The following CNTN3 variants were observed in gnomAD, a reference collection of about 807,000 sequenced individuals.
CNTN3 encodes the protein contactin-3.
A neutral mutation model predicts 119.1 loss-of-function variants in CNTN3; 60 were observed. The ratio of observed to expected loss-of-function variants is 0.50; its 90% confidence interval spans 0.41 to 0.62. The LOEUF (loss-of-function observed/expected upper bound fraction) is 0.62. CNTN3 is among the 20% of genes least tolerant of loss of function. The pLI is 0.00. For synonymous variants in CNTN3, 450 were observed against 438.7 expected (o/e 1.03, Z -0.32); for missense variants, 1,101 against 1,242.4 (o/e 0.89, Z 1.71).
At chr3:74,574,982 G>C (rs892796957) in intron 1 of CNTN3, among the ~76,000 whole-genome samples, 1 of 150,892 alleles carries the variant, frequency 6.6e-6, no homozygotes, top group African/African-American at 2.4e-5. Context: ...GGAGTACAGT[G>C]GTACAATTAT....
chr3:74,558,499 T>C (rs1304871425), intron 1 of CNTN3, among the ~76,000 whole-genome samples: 2 of 152,162 alleles, frequency 1.3e-5, no homozygotes, highest in Non-Finnish European at 2.9e-5. Flanking sequence ...CTGAATACTT[T>C]TAAAGACAGA....
chr3:74,454,777 GT>G, intron 4 of CNTN3, among the ~76,000 whole-genome samples: 1 of 152,118 alleles, frequency 6.6e-6, no homozygotes, highest in African/African-American at 2.4e-5. Context: ...ATGAAGCTTA[GT>G]TTGGCTGGAT....
At chr3:74,389,336 C>T (rs988264497) in intron 5 of CNTN3, among the ~76,000 whole-genome samples, 9 of 151,826 alleles carry the variant, frequency 5.9e-5, no homozygotes, top group African/African-American at 1.5e-4. Flanking sequence ...CCTTTTTTCA[C>T]GGGAAGATTA....
At chr3:74,445,454 G>T (rs909243771) in intron 4 of CNTN3, among the ~76,000 whole-genome samples, 3 of 151,934 alleles carry the variant, frequency 2.0e-5, no homozygotes, top group African/African-American at 4.8e-5. Context: ...AGTAGAGACG[G>T]GGTTTCACCA....
At chr3:74,561,566 A>C (rs1423463803) in intron 1 of CNTN3, among the ~76,000 whole-genome samples, 1 of 152,072 alleles carries the variant, frequency 6.6e-6, no homozygotes, top group East Asian at 1.9e-4. Context: ...GTTTCTTCTC[A>C]TGTTTCTGGT....
At chr3:74,514,094 G>T (rs191773069) in intron 2 of CNTN3, among the ~76,000 whole-genome samples, 1 of 151,808 alleles carries the variant, frequency 6.6e-6, no homozygotes. Flanking sequence ...AAAACTAATA[G>T]AACATTGAGG....
intron 1 of CNTN3, among the ~76,000 whole-genome samples, chr3:74,571,260 C>T (rs1197297435): frequency 2.0e-5 from 3 of 152,150 alleles, no homozygotes; most frequent in Non-Finnish European, 2.9e-5. Flanking sequence ...CTAGCAGCAG[C>T]GGCATCCACA....
intron 1 of CNTN3, among the ~76,000 whole-genome samples, chr3:74,530,064 T>A (rs1285714922): frequency 6.6e-6 from 1 of 152,026 alleles, no homozygotes; most frequent in Non-Finnish European, 1.5e-5. Context: ...GGGGAAAAAC[T>A]CAAATTCACT....
chr3:74,499,798 G>A lies in CNTN3; in HGVS notation c.56-13C>T. 6.3e-7 allele frequency: 1 copy of A among 1,577,778 alleles called. No individual in the cohort carries two copies. Among genetic ancestry groups the A allele is most frequent in the Non-Finnish European group, 8.6e-7 (1 of 1,168,580 alleles). ...AAGAGAAGCTCACCTATATGGGTGG[G>A]AGACATCCAAAAAATAATAATCAGT... On this transcript the variant is annotated splice_polypyrimidine_tract_variant and intron_variant, in intron 2 of 22. Coordinates refer to ENST00000263665, the MANE Select transcript of CNTN3 (RefSeq NM_020872.3).
intron 1 of CNTN3, among the ~76,000 whole-genome samples, chr3:74,570,925 G>T (rs17012642): frequency 0.2 from 30,697 of 152,106 alleles, 3,518 homozygotes; most frequent in East Asian, 0.4. Flanking sequence ...AACTCCTAAG[G>T]GGATTTAATC....
At position 74,264,203 on chromosome 3, in the gene CNTN3, T is replaced by A. The variant is rs952015448; in HGVS notation, c.*198A>T. ...TATGTAATATGTAAATTCCTTTGGT[T>A]TATCAAGTTAATATTAAGGCATTTC... On this transcript the variant is annotated 3_prime_UTR_variant, in exon 23 of 23. Transcript: ENST00000263665. The A allele has an allele frequency of 7.6e-6, 3 of 395,436 alleles. No individual in the cohort carries two copies. The highest frequency in any genetic ancestry group is 1.3e-5 in the Non-Finnish European group (3 of 222,256). 24.5% of individuals were successfully genotyped at this position (395,436 alleles called of 1,614,324 possible). A position where few individuals can be genotyped will look rare whatever the true frequency, so the allele number is the denominator to read the frequency against.
intron 1 of CNTN3, among the ~76,000 whole-genome samples, chr3:74,559,008 G>A (rs370199166): frequency 7.5e-5 from 3 of 40,044 alleles, no homozygotes; most frequent in African/African-American, 9.7e-5. Context: ...AATAATAATA[G>A]TAACTGCAGT....
chr3:74,516,659 T>C (rs1191180710), intron 2 of CNTN3, among the ~76,000 whole-genome samples: 2 of 150,568 alleles, frequency 1.3e-5, no homozygotes, highest in South Asian at 2.1e-4. Flanking sequence ...AACACACCTA[T>C]TGAGATGGGG....
intron 5 of CNTN3, among the ~76,000 whole-genome samples, chr3:74,420,080 T>C (rs1264069351): frequency 6.6e-6 from 1 of 152,164 alleles, no homozygotes; most frequent in Non-Finnish European, 1.5e-5. Context: ...TCTTGCTTCA[T>C]AGAGGTGCTG....
chr3:74,576,560 C>T (rs982333202), intron 1 of CNTN3, among the ~76,000 whole-genome samples: 1 of 152,006 alleles, frequency 6.6e-6, no homozygotes, highest in Non-Finnish European at 1.5e-5. Flanking sequence ...TATATGTAAA[C>T]TAGAAAAGAG....
Position 74,614,520 on chromosome 3 carries a change from A to AGCC in CNTN3, c.-213_-211dup, listed in dbSNP as rs1048847960. Among the ~76,000 whole-genome samples the AGCC allele has an allele frequency of 3.0e-4, 43 of 143,458 alleles. 1 individual carries two copies. The highest frequency in any genetic ancestry group is 2.9e-3 in the East Asian group (14 of 4,862). The allele number at this position is 143,458 out of a possible 152,430, so 94.1% of individuals were successfully genotyped here. A position where few individuals can be genotyped will look rare whatever the true frequency, so the allele number is the denominator to read the frequency against. On this transcript the variant is annotated 5_prime_UTR_variant, in exon 1 of 23. Coordinates refer to ENST00000263665, the MANE Select transcript of CNTN3 (RefSeq NM_020872.3). ...GGGGGCCGCCGTGCGCGCCCGCGTA[A>AGCC]GCCGCCGCCGCCGCAGGCGCAGCAC... is the stretch of plus-strand genomic sequence containing the variant.
At chr3:74,413,939 C>T (rs1057305046) in intron 5 of CNTN3, among the ~76,000 whole-genome samples, 1 of 152,126 alleles carries the variant, frequency 6.6e-6, no homozygotes, top group Non-Finnish European at 1.5e-5. Flanking sequence ...CACACAATAA[C>T]AACAATAACA....
chr3:74,371,733 T>G (rs1393580093), intron 5 of CNTN3, among the ~76,000 whole-genome samples: 1 of 152,130 alleles, frequency 6.6e-6, no homozygotes, highest in East Asian at 1.9e-4. Context: ...ATTAACAATC[T>G]AATCATGTCA....
At chr3:74,485,809 C>G (rs995369459) in intron 4 of CNTN3, among the ~76,000 whole-genome samples, 4 of 151,940 alleles carry the variant, frequency 2.6e-5, no homozygotes, top group Non-Finnish European at 5.9e-5. Flanking sequence ...GTCCAAATTT[C>G]CTAGAGAAAG....
Sources: gnomAD v4.1 joint callset for allele counts (sites outside exome capture counted in the v4.1 genomes callset) on GRCh38, gnomAD v4.1.1 for gene constraint, MANE v1.5 for transcripts, NCBI Gene and HGNC (gene_info 2026-07-23, HGNC 2026-07-21) for gene names.